TSPAN18: variants seen among roughly 807,000 people sequenced by gnomAD.
TSPAN18 encodes tetraspanin 18.
A neutral mutation model predicts 27.3 loss-of-function variants in TSPAN18; 14 were observed. The observed-to-expected ratio is 0.51, with a 90% CI of 0.34 to 0.80. TSPAN18 has a LOEUF of 0.80. Ranked by LOEUF, TSPAN18 falls within the 30% of genes least tolerant of loss-of-function variation. The pLI is 0.01. For missense variants in TSPAN18, 268 were observed against 323.9 expected (o/e 0.83, Z 1.32); for synonymous variants, 143 against 136.5 (o/e 1.05, Z -0.33).
rs887443887 is a variant in TSPAN18 at position 44,919,099 on chromosome 11, C to T, written c.334-115C>T. 93 of 812,818 alleles carry T rather than the reference C, an allele frequency of 1.1e-4. 1 individual carries two copies. Among genetic ancestry groups the T allele is most frequent in the Non-Finnish European group, 1.8e-4 (86 of 481,788 alleles). The allele number at this position is 812,818 out of a possible 1,614,324, so 50.4% of individuals were successfully genotyped here. A position where few individuals can be genotyped will look rare whatever the true frequency, so the allele number is the denominator to read the frequency against. ...TCCCAGGGGACCTGGCACCAGGATGCAGAGCCCCTAGCTCTCATTCCCCCA... is the reference window on the plus strand; with the variant it reads ...TCCCAGGGGACCTGGCACCAGGATGTAGAGCCCCTAGCTCTCATTCCCCCA... On this transcript the variant is annotated intron_variant, in intron 6 of 9. Transcript: ENST00000520358.
At chr11:44,776,708 A>G (rs1855817222) in intron 2 of TSPAN18, among the ~76,000 whole-genome samples, 1 of 151,532 alleles carries the variant, frequency 6.6e-6, no homozygotes, top group Admixed American at 6.5e-5. Context: ...TCTGGGCCTC[A>G]GTTCCCCGTC....
chr11:44,763,818 T>TGGG (rs1855505918), intron 1 of TSPAN18, among the ~76,000 whole-genome samples: 1 of 152,124 alleles, frequency 6.6e-6, no homozygotes, highest in Non-Finnish European at 1.5e-5. Context: ...GGAAGCTTTG[T>TGGG]GGGGCTGGTG....
chr11:44,780,927 T>C (rs1855923656), intron 2 of TSPAN18, among the ~76,000 whole-genome samples: 1 of 152,262 alleles, frequency 6.6e-6, no homozygotes, highest in Non-Finnish European at 1.5e-5. Flanking sequence ...AGTTTTGAAT[T>C]CCTGGTGAGA....
chr11:44,851,044 C>A (rs1031483682), intron 2 of TSPAN18, among the ~76,000 whole-genome samples: 1 of 152,242 alleles, frequency 6.6e-6, no homozygotes, highest in African/African-American at 2.4e-5. Context: ...GCTAGAACAA[C>A]GGTTTCCTCC....
intron 3 of TSPAN18, among the ~76,000 whole-genome samples, chr11:44,889,973 G>A (rs1403799445): frequency 6.6e-6 from 1 of 152,216 alleles, no homozygotes; most frequent in African/African-American, 2.4e-5. Context: ...GAATGGCTGG[G>A]GCTGCCCTAG....
chr11:44,855,201 C>T (rs959099778), intron 2 of TSPAN18, among the ~76,000 whole-genome samples: 6 of 151,564 alleles, frequency 4.0e-5, no homozygotes, highest in South Asian at 2.1e-4. Flanking sequence ...ACATTTATAG[C>T]GTGGGTTTAA....
At chr11:44,801,321 C>T (rs1856474272) in intron 2 of TSPAN18, among the ~76,000 whole-genome samples, 1 of 152,168 alleles carries the variant, frequency 6.6e-6, no homozygotes, top group African/African-American at 2.4e-5. Flanking sequence ...TCTCTACAGC[C>T]CCTGCTTTGC....
At chr11:44,733,501 G>A (rs1212411857) in intron 1 of TSPAN18, among the ~76,000 whole-genome samples, 3 of 152,172 alleles carry the variant, frequency 2.0e-5, no homozygotes, top group African/African-American at 7.2e-5. Flanking sequence ...GAAATTTACT[G>A]CTCTGAGAAC....
chr11:44,861,769 A>G (rs1183705728), intron 3 of TSPAN18, among the ~76,000 whole-genome samples: 1 of 142,538 alleles, frequency 7.0e-6, no homozygotes, highest in Non-Finnish European at 1.5e-5. Flanking sequence ...TTTTTAGTGA[A>G]TCTAGTATCT....
chr11:44,777,249 AG>A (rs2134937032), intron 2 of TSPAN18, among the ~76,000 whole-genome samples: 1 of 152,268 alleles, frequency 6.6e-6, no homozygotes, highest in African/African-American at 2.4e-5. Context: ...TTCCATATCA[AG>A]GGATCCATGG....
intron 1 of TSPAN18, chr11:44,736,605 C>G (rs1171953535): frequency 6.6e-6 from 1 of 152,210 alleles, no homozygotes; most frequent in Non-Finnish European, 1.5e-5. Flanking sequence ...GTAGATGACT[C>G]TCAGCTCCAG....
At chr11:44,756,375 C>CT (rs1367938784) in intron 1 of TSPAN18, among the ~76,000 whole-genome samples, 2 of 151,956 alleles carry the variant, frequency 1.3e-5, no homozygotes, top group African/African-American at 4.8e-5. Flanking sequence ...TAGCTACTCC[C>CT]TTTTTTTCCC....
At chr11:44,811,175 C>CACACACACACACACA (rs1554986590) in intron 2 of TSPAN18, among the ~76,000 whole-genome samples, 1 of 149,534 alleles carries the variant, frequency 6.7e-6, no homozygotes, top group African/African-American at 2.5e-5. Context: ...CACACACACA[C>CACACACACACACACA]CCCTGCCTGT....
chr11:44,733,085 T>C lies in TSPAN18; in HGVS notation c.-240+5798T>C, dbSNP rs1402382351. The stretch of plus-strand genomic sequence containing the variant: ...TTGGCCAGGAGGTGACACACATCAC[T>C]TCACCTCCAGCACCTTGGTCAGAAC... On this transcript the variant is annotated intron_variant, in intron 1 of 9. Transcript: ENST00000520358. 2.6e-5 allele frequency among the ~76,000 whole-genome samples: 4 copies of C among 152,140 alleles called. No individual in the cohort carries two copies. In the East Asian group the frequency reaches 5.8e-4, roughly 22 times the overall value.
At position 44,929,113 on chromosome 11, in the gene TSPAN18, CTT is replaced by C. The variant is rs1413856027; in HGVS notation, c.700-14_700-13del. On this transcript the variant is annotated splice_polypyrimidine_tract_variant and intron_variant, in intron 9 of 9. Coordinates refer to ENST00000520358, the MANE Select transcript of TSPAN18 (RefSeq NM_130783.5). ...CCAGCCTGATAAGCCAGTTCCTGCT[CTT>C]TTTCTTTTTTTGCAGCTTTTCGCCA... 2 of 1,612,916 alleles carry C rather than the reference CTT, an allele frequency of 1.2e-6. No individual in the cohort carries two copies. The highest frequency in any genetic ancestry group is 1.7e-6 in the Non-Finnish European group (2 of 1,180,004).
At chr11:44,838,217 C>T (rs1857301745) in intron 2 of TSPAN18, among the ~76,000 whole-genome samples, 1 of 152,198 alleles carries the variant, frequency 6.6e-6, no homozygotes, top group Non-Finnish European at 1.5e-5. Flanking sequence ...TTCCACATGG[C>T]TGGGGAGGCC....
Position 44,897,714 on chromosome 11 carries a change from T to C in TSPAN18, c.-10-8693T>C. 2.4e-6 allele frequency: 3 copies of C among 1,253,862 alleles called. No individual in the cohort carries two copies. The South Asian group carries it at 3.7e-5, about 16-fold the overall frequency. The allele number at this position is 1,253,862 out of a possible 1,614,324, so 77.7% of individuals were successfully genotyped here. On this transcript the variant is annotated intron_variant, in intron 3 of 9. Coordinates refer to ENST00000520358, the MANE Select transcript of TSPAN18 (RefSeq NM_130783.5). ...TTTCATGGGGCTGCTCTTTATTGAC[T>C]TCCTGTAGTAATTGAATATTTTCTC...
intron 8 of TSPAN18, among the ~76,000 whole-genome samples, chr11:44,926,083 A>G (rs1860341861): frequency 6.6e-6 from 1 of 152,234 alleles, no homozygotes; most frequent in African/African-American, 2.4e-5. Flanking sequence ...TGGTTCAGAA[A>G]GCTGCCCGAA....
At chr11:44,746,907 C>T (rs1167159290) in intron 1 of TSPAN18, among the ~76,000 whole-genome samples, 1 of 152,232 alleles carries the variant, frequency 6.6e-6, no homozygotes, top group Non-Finnish European at 1.5e-5. Flanking sequence ...AAGGGAGACT[C>T]AGTTCTTAGG....
Sources: gnomAD v4.1 joint callset for allele counts (sites outside exome capture counted in the v4.1 genomes callset) on GRCh38, gnomAD v4.1.1 for gene constraint, MANE v1.5 for transcripts, NCBI Gene and HGNC (gene_info 2026-07-23, HGNC 2026-07-21) for gene names.